The following CDC123 variants were observed in gnomAD, a reference collection of about 807,000 sequenced individuals.
CDC123 encodes the protein translation initiation factor eIF2 assembly protein.
A neutral mutation model predicts 54.4 loss-of-function variants in CDC123; 37 were observed. That is an observed-to-expected ratio of 0.68 (90% CI 0.52 to 0.89). The LOEUF (loss-of-function observed/expected upper bound fraction) is 0.89. Ranked by LOEUF, CDC123 falls within the 40% of genes least tolerant of loss-of-function variation. The probability of loss-of-function intolerance (pLI) is 0.00; values close to 1 mark genes in which losing one functional copy is unlikely to be tolerated. For missense variants in CDC123, 361 were observed against 412.1 expected (o/e 0.88, Z 1.07); for synonymous variants, 144 against 136.8 (o/e 1.05, Z -0.37).
chr10:12,233,373 A>G (rs1359469289), intron 7 of CDC123, among the ~76,000 whole-genome samples: 2 of 152,096 alleles, frequency 1.3e-5, no homozygotes, highest in Non-Finnish European at 2.9e-5. Flanking sequence ...AAAGATGCAC[A>G]AGAAACCTAT....
At chr10:12,227,336 T>TA (rs1298940890) in intron 6 of CDC123, among the ~76,000 whole-genome samples, 6 of 152,056 alleles carry the variant, frequency 3.9e-5, no homozygotes, top group Non-Finnish European at 8.8e-5. Flanking sequence ...GACCATAAAA[T>TA]ACTAGTACGG....
At chr10:12,248,001 C>CA (rs1157185466) in intron 11 of CDC123, among the ~76,000 whole-genome samples, 4,128 of 137,660 alleles carry the variant, frequency 0.03, 151 homozygotes, top group African/African-American at 0.091. Flanking sequence ...AAGACTGTCT[C>CA]AAAAAAAAAA....
chr10:12,239,090 G>A (rs1427362635), intron 10 of CDC123, among the ~76,000 whole-genome samples: 1 of 152,068 alleles, frequency 6.6e-6, no homozygotes, highest in East Asian at 1.9e-4. Flanking sequence ...GGGAATGCAA[G>A]GCTGCAGTGA....
chr10:12,203,852 G>A lies in CDC123; in HGVS notation c.146+5076G>A, dbSNP rs148022760. 1.8e-4 allele frequency among the ~76,000 whole-genome samples: 28 copies of A among 152,230 alleles called. No individual in the cohort carries two copies. In the East Asian group the frequency reaches 5.2e-3, roughly 28 times the overall value. On this transcript the variant is annotated intron_variant, in intron 2 of 12. Coordinates refer to ENST00000281141, the MANE Select transcript of CDC123 (RefSeq NM_006023.3). ...CTCATGCCTGTAATCTAGCACTTTA[G>A]GAGGCGGAGGTAAGAGGATCACTTG...
At chr10:12,248,100 G>A (rs111279413) in intron 11 of CDC123, among the ~76,000 whole-genome samples, 3,156 of 152,156 alleles carry the variant, frequency 0.021, 99 homozygotes, top group African/African-American at 0.071. Context: ...GATACATAAC[G>A]TGCATTTAAA....
chr10:12,244,389 C>A (rs937983791), intron 10 of CDC123, among the ~76,000 whole-genome samples: 5 of 152,202 alleles, frequency 3.3e-5, no homozygotes, highest in Non-Finnish European at 7.3e-5. Context: ...AACATCCATC[C>A]ACTTCGTGTC....
In CDC123 at chr10:12,230,928, C is replaced by T. The variant is rs761360373; in HGVS notation, c.441-20C>T. ...ACCAGTAACAAAAAGATTCAGTTGC[C>T]TTTTCTTCTTCTTCCAAAGGTTTAT... On this transcript the variant is annotated intron_variant, in intron 6 of 12. Coordinates refer to ENST00000281141, the MANE Select transcript of CDC123 (RefSeq NM_006023.3). 19 of 1,609,664 alleles carry T rather than the reference C, an allele frequency of 1.2e-5. No homozygotes were observed. The Middle Eastern group carries it at 4.9e-4, about 42-fold the overall frequency.
At chr10:12,206,917 C>T (rs1046208021) in intron 2 of CDC123, among the ~76,000 whole-genome samples, 1 of 148,774 alleles carries the variant, frequency 6.7e-6, no homozygotes, top group Non-Finnish European at 1.5e-5. Context: ...TGAAATCACG[C>T]CACTGCACTC....
intron 6 of CDC123, among the ~76,000 whole-genome samples, chr10:12,225,327 G>A (rs369962456): frequency 4.6e-5 from 7 of 152,114 alleles, no homozygotes; most frequent in Non-Finnish European, 7.4e-5. Context: ...CCCGGGAGAC[G>A]GAGGTTGCAG....
Position 12,230,983 on chromosome 10 carries a change from G to A in CDC123, c.476G>A (p.Cys159Tyr), listed in dbSNP as rs781402437. 3.0e-5 allele frequency: 49 copies of A among 1,610,914 alleles called. No homozygotes were observed. The South Asian group carries it at 4.9e-4, about 16-fold the overall frequency. ...TGTACTGATGATTCTCCAGATCCATGTATAGAATATGAGGTAAGAAGCTTA... is the reference window on the plus strand; with the variant it reads ...TGTACTGATGATTCTCCAGATCCATATATAGAATATGAGGTAAGAAGCTTA... ...IHCTDDSPDP[C>Y]IEYELVLRKW... is the part of the protein sequence containing the mutation. The change falls in exon 7 of 13, where the codon TGT becomes TAT. Residue 159 changes from cysteine (C) to tyrosine (Y), a missense_variant. By Grantham distance (194) the Cys-to-Tyr change is radical. Coordinates refer to ENST00000281141, the MANE Select transcript of CDC123 (RefSeq NM_006023.3).
intron 2 of CDC123, among the ~76,000 whole-genome samples, chr10:12,208,613 G>A (rs191630330): frequency 1.3e-5 from 2 of 152,266 alleles, no homozygotes; most frequent in East Asian, 1.9e-4. Context: ...TTTGTGCAGC[G>A]CTGATAATGC....
intron 8 of CDC123, among the ~76,000 whole-genome samples, chr10:12,235,603 C>T (rs1341034535): frequency 6.6e-6 from 1 of 152,142 alleles, no homozygotes; most frequent in Non-Finnish European, 1.5e-5. Context: ...GGTTACTGTT[C>T]TGTTTGCTAT....
chr10:12,248,935 T>A (rs1275681064), intron 11 of CDC123, among the ~76,000 whole-genome samples: 1 of 151,594 alleles, frequency 6.6e-6, no homozygotes, highest in Non-Finnish European at 1.5e-5. Flanking sequence ...CATAGTGAAA[T>A]CCCTATCTCT....
intron 2 of CDC123, among the ~76,000 whole-genome samples, chr10:12,200,252 A>G: frequency 6.7e-6 from 1 of 148,754 alleles, no homozygotes; most frequent in East Asian, 2.0e-4. Context: ...ACAGCCTCCC[A>G]ACTAGCTGGG....
At chr10:12,218,540 G>A (rs2399790) in intron 6 of CDC123, among the ~76,000 whole-genome samples, 3,936 of 152,230 alleles carry the variant, frequency 0.026, 166 homozygotes, top group African/African-American at 0.09. Flanking sequence ...CGCCAAGCCT[G>A]TGGTTTATAT....
chr10:12,212,698 T>C (rs931710308), intron 4 of CDC123, among the ~76,000 whole-genome samples: 1 of 152,162 alleles, frequency 6.6e-6, no homozygotes, highest in Non-Finnish European at 1.5e-5. Context: ...CCTGACCTCA[T>C]GTGACAGGTA....
chr10:12,225,283 T>C (rs989688924), intron 6 of CDC123, among the ~76,000 whole-genome samples: 5 of 152,068 alleles, frequency 3.3e-5, no homozygotes, highest in African/African-American at 1.2e-4. Context: ...TAATCCCAGC[T>C]ACTTGGGAGG....
At chr10:12,247,973 C>T (rs896055280) in intron 11 of CDC123, 1 of 151,694 alleles carries the variant, frequency 6.6e-6, no homozygotes, top group Admixed American at 6.6e-5. Flanking sequence ...CACTGCACTC[C>T]AGCCTGGGCG....
chr10:12,205,689 G>A (rs1376629391), intron 2 of CDC123, among the ~76,000 whole-genome samples: 3 of 152,092 alleles, frequency 2.0e-5, no homozygotes, highest in Non-Finnish European at 4.4e-5. Flanking sequence ...CCAGCTCTGT[G>A]TAAGTTGTAA....
Sources: allele counts gnomAD v4.1 joint callset (sites outside exome capture counted in the v4.1 genomes callset), GRCh38; gene constraint gnomAD v4.1.1; transcripts MANE v1.5; gene names NCBI Gene and HGNC (gene_info 2026-07-23, HGNC 2026-07-21).